ZMAT4: variants seen among roughly 807,000 people sequenced by gnomAD.
The protein encoded by ZMAT4 is zinc finger matrin-type 4.
A neutral mutation model predicts 28.7 loss-of-function variants in ZMAT4; 17 were observed. The ratio of observed to expected loss-of-function variants is 0.59; its 90% confidence interval spans 0.41 to 0.89. ZMAT4 has a LOEUF of 0.89. ZMAT4 is among the 40% of genes least tolerant of loss of function. The pLI, the probability that ZMAT4 is intolerant of heterozygous loss-of-function variation, is 0.00. For synonymous variants in ZMAT4, 117 were observed against 109.2 expected (o/e 1.07, Z -0.44); for missense variants, 240 against 283.8 (o/e 0.85, Z 1.11).
In ZMAT4 at chr8:40,599,846, C is replaced by T. The variant is rs549184269; in HGVS notation, c.578-18585G>A. On this transcript the variant is annotated intron_variant, in intron 5 of 6. Transcript: ENST00000297737. ...CCCGCCCCTCCTCCCAGTGAGTCCTCGGTCCCAGCACCGGTCCCTTCTGTT... is the reference window on the plus strand; with the variant it reads ...CCCGCCCCTCCTCCCAGTGAGTCCTTGGTCCCAGCACCGGTCCCTTCTGTT... Among the ~76,000 whole-genome samples the T allele has an allele frequency of 3.3e-5, 5 of 152,260 alleles. No individual in the cohort carries two copies. The South Asian group carries it at 8.3e-4, about 25-fold the overall frequency.
intron 1 of ZMAT4, among the ~76,000 whole-genome samples, chr8:40,845,776 TA>T (rs71224858): frequency 1.2e-3 from 161 of 129,620 alleles, no homozygotes; most frequent in African/African-American, 3.1e-3. Context: ...ACTTAGTAGT[TA>T]AAAAAAAAAA....
intron 4 of ZMAT4, among the ~76,000 whole-genome samples, chr8:40,686,949 C>G (rs1032762207): frequency 5.9e-5 from 9 of 151,964 alleles, no homozygotes; most frequent in Non-Finnish European, 1.2e-4. Flanking sequence ...TCCCACATTG[C>G]TGGGCTGTGA....
chr8:40,771,399 T>TATATATATATATATATATATA (rs1813386179), intron 2 of ZMAT4, among the ~76,000 whole-genome samples: 1 of 151,920 alleles, frequency 6.6e-6, no homozygotes, highest in Non-Finnish European at 1.5e-5. Flanking sequence ...TATTTTTTAT[T>TATATATATATATATATATATA]TTTATAACAA....
chr8:40,896,069 C>A (rs903454589), intron 1 of ZMAT4, among the ~76,000 whole-genome samples: 12 of 151,996 alleles, frequency 7.9e-5, no homozygotes, highest in African/African-American at 2.7e-4. Context: ...GACACCCCCC[C>A]CAAAAAAAAA....
intron 6 of ZMAT4, among the ~76,000 whole-genome samples, chr8:40,553,099 C>T (rs974986997): frequency 2.6e-5 from 4 of 152,114 alleles, no homozygotes; most frequent in African/African-American, 4.8e-5. Flanking sequence ...GTGTCCGCTC[C>T]TTATTCTTTC....
chr8:40,699,584 G>C (rs1443879435), intron 3 of ZMAT4, among the ~76,000 whole-genome samples: 2 of 106,044 alleles, frequency 1.9e-5, no homozygotes, highest in Non-Finnish European at 3.8e-5. Context: ...ATTGGATAAA[G>C]AAAATGTAAA....
chr8:40,567,924 T>C (rs1782806961), intron 6 of ZMAT4, among the ~76,000 whole-genome samples: 2 of 152,150 alleles, frequency 1.3e-5, no homozygotes, highest in Admixed American at 6.5e-5. Context: ...AGCCAGAATA[T>C]ACTATCAGTG....
intron 3 of ZMAT4, among the ~76,000 whole-genome samples, chr8:40,756,394 A>C (rs1369987999): frequency 2.3e-5 from 3 of 131,096 alleles, no homozygotes; most frequent in Non-Finnish European, 3.2e-5. Flanking sequence ...ACATGTTTTC[A>C]CCCAGCAATT....
At chr8:40,672,151 G>A (rs1808700430) in intron 5 of ZMAT4, among the ~76,000 whole-genome samples, 1 of 152,194 alleles carries the variant, frequency 6.6e-6, no homozygotes, top group Admixed American at 6.5e-5. Context: ...AGTGCTATGA[G>A]AGAAAGAGAA....
At chr8:40,841,936 G>C (rs1432435504) in intron 1 of ZMAT4, among the ~76,000 whole-genome samples, 1 of 152,180 alleles carries the variant, frequency 6.6e-6, no homozygotes, top group African/African-American at 2.4e-5. Flanking sequence ...CAGTCTCCAG[G>C]AAGAGCCTGG....
intron 3 of ZMAT4, among the ~76,000 whole-genome samples, chr8:40,725,301 C>T (rs1360437484): frequency 6.6e-6 from 1 of 152,136 alleles, no homozygotes; most frequent in African/African-American, 2.4e-5. Flanking sequence ...CTCCTCCATT[C>T]CCCAAAAGGC....
intron 1 of ZMAT4, among the ~76,000 whole-genome samples, chr8:40,886,320 C>G (rs370464608): frequency 4.5e-4 from 69 of 152,342 alleles, no homozygotes; most frequent in African/African-American, 1.6e-3. Context: ...AATGCAGAAG[C>G]AGCTTCTCTG....
At chr8:40,759,497 A>C (rs1586006778) in intron 3 of ZMAT4, among the ~76,000 whole-genome samples, 1 of 152,132 alleles carries the variant, frequency 6.6e-6, no homozygotes. Context: ...TTGCTATCCC[A>C]TATGCCACCT....
chr8:40,664,386 C>G (rs955995084), intron 5 of ZMAT4, among the ~76,000 whole-genome samples: 2 of 152,186 alleles, frequency 1.3e-5, no homozygotes, highest in African/African-American at 2.4e-5. Context: ...ACACACTGCT[C>G]TCTTGTTGGT....
intron 6 of ZMAT4, among the ~76,000 whole-genome samples, chr8:40,559,874 G>C (rs1222889822): frequency 6.6e-6 from 1 of 151,998 alleles, no homozygotes; most frequent in Non-Finnish European, 1.5e-5. Context: ...CTTTTCCTGA[G>C]TATGTTAATA....
intron 6 of ZMAT4, among the ~76,000 whole-genome samples, chr8:40,575,590 C>T (rs752704027): frequency 6.6e-6 from 1 of 151,786 alleles, no homozygotes; most frequent in Non-Finnish European, 1.5e-5. Context: ...AGAGACCATA[C>T]TACTGTGTTT....
Position 40,532,239 on chromosome 8 carries a change from C to A in ZMAT4, c.675-1G>T. On this transcript the variant is annotated splice_acceptor_variant, in intron 6 of 6. Coordinates refer to ENST00000297737, the MANE Select transcript of ZMAT4 (RefSeq NM_024645.3). LOFTEE classifies it high-confidence loss of function. ...ATGCTTTCACTACTTATTCTTCAGG[C>A]TATAAGACAGAAGGAAACACAGTGT... The A allele has an allele frequency of 6.3e-7, 1 of 1,586,230 alleles. No homozygotes were observed. The highest frequency in any genetic ancestry group is 8.6e-7 in the Non-Finnish European group (1 of 1,165,904).
intron 3 of ZMAT4, among the ~76,000 whole-genome samples, chr8:40,728,018 A>C (rs1006143075): frequency 3.9e-5 from 6 of 152,222 alleles, no homozygotes; most frequent in Non-Finnish European, 5.9e-5. Context: ...TAGGAAATAA[A>C]GATAGAAAAA....
chr8:40,721,084 C>T (rs1056036064), intron 3 of ZMAT4, among the ~76,000 whole-genome samples: 5 of 145,544 alleles, frequency 3.4e-5, no homozygotes, highest in African/African-American at 5.1e-5. Flanking sequence ...CCCACTAACT[C>T]GTCATCTAGC....
Sources: allele counts gnomAD v4.1 joint callset (sites outside exome capture counted in the v4.1 genomes callset), GRCh38; gene constraint gnomAD v4.1.1; transcripts MANE v1.5; gene names NCBI Gene and HGNC (gene_info 2026-07-23, HGNC 2026-07-21).